CECR2: variants seen among roughly 807,000 people sequenced by gnomAD.
CECR2 encodes the protein CECR2 histone acetyl-lysine reader, also known as chromatin remodeling regulator CECR2.
In CECR2, 30 loss-of-function variants were observed where a neutral mutation model predicts 154.5. The ratio of observed to expected loss-of-function variants is 0.19; its 90% CI spans 0.15 to 0.26. The LOEUF (loss-of-function observed/expected upper bound fraction) is 0.26, where lower values mean the gene tolerates loss of function less well. Among genes scored for constraint, CECR2 ranks in the 10% least tolerant of loss-of-function variants. The pLI is 1.00. For synonymous variants in CECR2, 725 were observed against 683.7 expected, an observed-to-expected ratio of 1.06 and a Z score of -0.94; for missense variants, 1,743 against 1,829.3, an observed-to-expected ratio of 0.95 and a Z score of 0.86.
intron 3 of CECR2, among the ~76,000 whole-genome samples, chr22:17,498,932 C>T (rs944597523): frequency 8.5e-5 from 13 of 152,218 alleles, no homozygotes; most frequent in East Asian, 5.8e-4. Context: ...CCATTATATC[C>T]GTGTTTCTTA....
At chr22:17,362,320 A>C (rs2062981156) in intron 1 of CECR2, among the ~76,000 whole-genome samples, 1 of 152,200 alleles carries the variant, frequency 6.6e-6, no homozygotes, top group Admixed American at 6.5e-5. Flanking sequence ...CTAGGATTAC[A>C]GGCATGAGCC....
At chr22:17,503,536 A>G (rs1378865979) in intron 6 of CECR2, among the ~76,000 whole-genome samples, 1 of 152,236 alleles carries the variant, frequency 6.6e-6, no homozygotes, top group East Asian at 1.9e-4. Context: ...TGGGAGGCAC[A>G]TACCAGTTTG....
intron 2 of CECR2, among the ~76,000 whole-genome samples, chr22:17,490,723 A>G (rs1349552563): frequency 6.6e-6 from 1 of 152,124 alleles, no homozygotes; most frequent in Admixed American, 6.5e-5. Flanking sequence ...TGCTAGGATT[A>G]CAGGCATGAG....
intron 1 of CECR2, among the ~76,000 whole-genome samples, chr22:17,471,238 G>A (rs1454595081): frequency 1.3e-5 from 2 of 152,118 alleles, no homozygotes; most frequent in East Asian, 1.9e-4. Context: ...GGGTCTAAGC[G>A]ATGAAGTCCA....
At chr22:17,470,392 C>CAAAA (rs5844313) in intron 1 of CECR2, among the ~76,000 whole-genome samples, 9 of 99,820 alleles carry the variant, frequency 9.0e-5, no homozygotes, top group South Asian at 3.5e-4. Context: ...GACTCCGTCT[C>CAAAA]AAAAAAAAAA....
intron 9 of CECR2, among the ~76,000 whole-genome samples, chr22:17,527,240 T>G (rs542506633): frequency 5.1e-4 from 77 of 152,188 alleles, no homozygotes; most frequent in Non-Finnish European, 9.6e-4. Flanking sequence ...GGCAGATTGT[T>G]TTAGCACAGG....
intron 2 of CECR2, among the ~76,000 whole-genome samples, chr22:17,478,517 G>A (rs1421081001): frequency 2.0e-5 from 3 of 151,878 alleles, no homozygotes; most frequent in Non-Finnish European, 2.9e-5. Flanking sequence ...CACCACGCCC[G>A]GCTAATTTTT....
intron 1 of CECR2, among the ~76,000 whole-genome samples, chr22:17,450,893 T>C (rs557952363): frequency 1.8e-4 from 28 of 152,374 alleles, no homozygotes; most frequent in African/African-American, 5.3e-4. Context: ...GCTGCTACTC[T>C]AGTCCAGACC....
At position 17,433,110 on chromosome 22, in the gene CECR2, G is replaced by A. The variant is rs531724905; in HGVS notation, c.127-44478G>A. ...GGTGGAATCCTTTATCGCTTATATCGTTGGCAAACTGGAGAGTTAATTCTT... is the reference window on the plus strand; with the variant it reads ...GGTGGAATCCTTTATCGCTTATATCATTGGCAAACTGGAGAGTTAATTCTT... On this transcript the variant is annotated intron_variant, in intron 1 of 18. Coordinates refer to ENST00000262608, the MANE Select transcript of CECR2 (RefSeq NM_001290047.2). 1.1e-3 allele frequency among the ~76,000 whole-genome samples: 174 copies of A among 152,198 alleles called. 2 individuals are homozygous for A. Among genetic ancestry groups the A allele is most frequent in the African/African-American group, 4.0e-3 (165 of 41,504 alleles).
In CECR2 at chr22:17,409,319, G is replaced by A. The variant is rs1421623689; in HGVS notation, c.126+39410G>A. 5.4e-5 allele frequency among the ~76,000 whole-genome samples: 6 copies of A among 110,986 alleles called. 2 individuals carry two copies. Among genetic ancestry groups the A allele is most frequent in the Middle Eastern group, 4.5e-3 (1 of 220 alleles). 72.8% of individuals were successfully genotyped at this position (110,986 alleles called of 152,430 possible). ...AGCTAATTTTTGTATTTTTAATAGA[G>A]ACGGGGTTTCACCATGTTGGCCAGG... On this transcript the variant is annotated intron_variant, in intron 1 of 18. Coordinates refer to ENST00000262608, the MANE Select transcript of CECR2 (RefSeq NM_001290047.2).
intron 1 of CECR2, among the ~76,000 whole-genome samples, chr22:17,436,158 C>T (rs907754343): frequency 6.6e-6 from 1 of 152,114 alleles, no homozygotes; most frequent in Non-Finnish European, 1.5e-5. Context: ...CGGGGTTTCA[C>T]GGTGTTAGCC....
chr22:17,369,412 G>C (rs1357131374), upstream of CECR2: 1 of 151,082 alleles, frequency 6.6e-6, no homozygotes, highest in Non-Finnish European at 1.5e-5. Context: ...CTCCTCGTGG[G>C]CGGCCCCTCC....
chr22:17,391,127 ACTTTCT>A (rs2063321390), intron 1 of CECR2, among the ~76,000 whole-genome samples: 1 of 152,192 alleles, frequency 6.6e-6, no homozygotes, highest in South Asian at 2.1e-4. Flanking sequence ...ATGAATAAGG[ACTTTCT>A]CTTGTATGAC....
intron 16 of CECR2, among the ~76,000 whole-genome samples, chr22:17,545,592 T>G (rs2056601403): frequency 6.6e-6 from 1 of 151,410 alleles, no homozygotes; most frequent in Non-Finnish European, 1.5e-5. Context: ...CATCTGTAAT[T>G]GCAGCACTTT....
At chr22:17,534,035 G>A (rs894264454) in intron 9 of CECR2, among the ~76,000 whole-genome samples, 6 of 152,002 alleles carry the variant, frequency 3.9e-5, no homozygotes, top group East Asian at 1.9e-4. Flanking sequence ...ATGAAAACTT[G>A]CAAAAACAAT....
chr22:17,453,264 A>T (rs2054799882), intron 1 of CECR2, among the ~76,000 whole-genome samples: 1 of 152,118 alleles, frequency 6.6e-6, no homozygotes, highest in South Asian at 2.1e-4. Context: ...CAACATGGAG[A>T]AACCCCGTCT....
At chr22:17,384,530 A>G (rs1369320604) in intron 1 of CECR2, among the ~76,000 whole-genome samples, 1 of 152,232 alleles carries the variant, frequency 6.6e-6, no homozygotes, top group Non-Finnish European at 1.5e-5. Context: ...GTGACAAAGT[A>G]TATTGTCAGT....
intron 1 of CECR2, among the ~76,000 whole-genome samples, chr22:17,434,972 G>C (rs1429249056): frequency 1.3e-5 from 2 of 152,104 alleles, no homozygotes; most frequent in Non-Finnish European, 2.9e-5. Flanking sequence ...CATTGATGTA[G>C]GGCTAATGTC....
At chr22:17,527,273 CACGGTAAA>C (rs1408422123) in intron 9 of CECR2, among the ~76,000 whole-genome samples, 6 of 152,106 alleles carry the variant, frequency 3.9e-5, no homozygotes, top group Admixed American at 6.6e-5. Flanking sequence ...GCCTCGGCAA[CACGGTAAA>C]ACCCCATCTC....
Sources: gnomAD v4.1 joint callset for allele counts (sites outside exome capture counted in the v4.1 genomes callset) on GRCh38, gnomAD v4.1.1 for gene constraint, MANE v1.5 for transcripts, NCBI Gene and HGNC (gene_info 2026-07-23, HGNC 2026-07-21) for gene names.